Variants in BAIAP2L1 observed in about 807,000 individuals in gnomAD.
BAIAP2L1 encodes the protein BAR/IMD domain containing adaptor protein 2 like 1, also known as BAR/IMD domain-containing adapter protein 2-like 1.
In BAIAP2L1, 35 loss-of-function variants were observed where a neutral mutation model predicts 66.3. That is an observed-to-expected ratio of 0.53 (90% CI 0.40 to 0.70). The LOEUF (loss-of-function observed/expected upper bound fraction) is 0.70, where lower values mean the gene tolerates loss of function less well. Ranked by LOEUF, BAIAP2L1 falls within the 30% of genes least tolerant of loss-of-function variation. The pLI, the probability that BAIAP2L1 is intolerant of heterozygous loss-of-function variation, is 0.00. For missense variants in BAIAP2L1, 622 were observed against 656.9 expected (o/e 0.95, Z 0.58); for synonymous variants, 269 against 248.7 (o/e 1.08, Z -0.77).
At chr7:98,343,024 CAT>C (rs1339669462) in intron 3 of BAIAP2L1, among the ~76,000 whole-genome samples, 4 of 151,666 alleles carry the variant, frequency 2.6e-5, no homozygotes, top group Non-Finnish European at 4.4e-5. Context: ...GATAAAGTCA[CAT>C]GAGTGACTTT....
intron 6 of BAIAP2L1, 42 bp from the exon 7 acceptor site, chr7:98,315,654 T>C: frequency 9.7e-7 from 1 of 1,026,556 alleles, no homozygotes; most frequent in South Asian, 3.8e-5. Context: ...TATATAAGCA[T>C]GACATGAGCA....
chr7:98,294,067 C>T lies in BAIAP2L1; in HGVS notation c.1460+7G>A, dbSNP rs369999863. 15 of 1,613,782 alleles carry T rather than the reference C, an allele frequency of 9.3e-6. 1 individual carries two copies. The highest frequency in any genetic ancestry group is 8.8e-5 in the South Asian group (8 of 91,070). ...ACACTGAGGCTCACGTAGGAAGCCACGCCTACCTGAGAAAAGGCGGCTTTG... is the reference window on the plus strand; with the variant it reads ...ACACTGAGGCTCACGTAGGAAGCCATGCCTACCTGAGAAAAGGCGGCTTTG... On this transcript the variant is annotated splice_region_variant and intron_variant, in intron 13 of 13. Transcript: ENST00000005260.
intron 1 of BAIAP2L1, among the ~76,000 whole-genome samples, chr7:98,383,189 C>A (rs571658622): frequency 2.0e-5 from 3 of 149,088 alleles, no homozygotes; most frequent in South Asian, 2.1e-4. Context: ...AACAAACAAA[C>A]AAAAAAAAGA....
chr7:98,356,913 G>C (rs536829216), intron 2 of BAIAP2L1, among the ~76,000 whole-genome samples: 23 of 135,834 alleles, frequency 1.7e-4, no homozygotes, highest in South Asian at 1.4e-3. Context: ...GGAGAATTGC[G>C]TGAGCCCAGA....
intron 2 of BAIAP2L1, among the ~76,000 whole-genome samples, chr7:98,359,036 T>C (rs1192843212): frequency 6.6e-6 from 1 of 152,122 alleles, no homozygotes; most frequent in East Asian, 1.9e-4. Flanking sequence ...GAGTCTGGCC[T>C]CCTTGAAGGG....
At chr7:98,389,739 T>C (rs559193094) in intron 1 of BAIAP2L1, among the ~76,000 whole-genome samples, 11 of 152,226 alleles carry the variant, frequency 7.2e-5, no homozygotes, top group Non-Finnish European at 1.5e-5. Flanking sequence ...TTTAACTGCT[T>C]GCAACATAAG....
intron 5 of BAIAP2L1, 139 bp downstream of exon 5, chr7:98,319,919 G>A (rs1041123628): frequency 5.2e-5 from 38 of 733,118 alleles, no homozygotes; most frequent in East Asian, 3.0e-4. Context: ...AGAGCTTGTC[G>A]GTTTCATGCA....
chr7:98,312,414 A>G, intron 7 of BAIAP2L1, 150 bp from the exon 8 acceptor site: 1 of 804,178 alleles, frequency 1.2e-6, no homozygotes, highest in Non-Finnish European at 1.9e-6. Context: ...CACTTTAAGC[A>G]CCTAGAGGAT....
At chr7:98,304,952 G>A (rs571728732) in intron 11 of BAIAP2L1, among the ~76,000 whole-genome samples, 7 of 147,930 alleles carry the variant, frequency 4.7e-5, no homozygotes, top group South Asian at 4.3e-4. Context: ...TGCAACATCC[G>A]CCTCCCTGGT....
At chr7:98,294,878 C>T (rs955949564) in intron 12 of BAIAP2L1, among the ~76,000 whole-genome samples, 1 of 152,208 alleles carries the variant, frequency 6.6e-6, no homozygotes, top group African/African-American at 2.4e-5. Context: ...CTTCCAGCAC[C>T]TGCCACCCAG....
chr7:98,351,006 G>A (rs558295631), intron 3 of BAIAP2L1, among the ~76,000 whole-genome samples: 2 of 152,104 alleles, frequency 1.3e-5, no homozygotes, highest in African/African-American at 2.4e-5. Context: ...ACAGGCATGC[G>A]CCACCATGCC....
intron 1 of BAIAP2L1, chr7:98,399,909 A>C (rs1280582136): frequency 6.6e-6 from 1 of 152,218 alleles, no homozygotes; most frequent in African/African-American, 2.4e-5. Context: ...AGCCAAGTTC[A>C]ACTGAAAGGT....
intron 2 of BAIAP2L1, among the ~76,000 whole-genome samples, chr7:98,359,589 C>T (rs971541117): frequency 2.6e-5 from 4 of 151,722 alleles, no homozygotes; most frequent in African/African-American, 7.3e-5. Flanking sequence ...GTCTTTTATG[C>T]GTGCAGTAGT....
intron 1 of BAIAP2L1, among the ~76,000 whole-genome samples, chr7:98,368,247 T>C (rs187600821): frequency 4.2e-4 from 63 of 151,548 alleles, no homozygotes; most frequent in Non-Finnish European, 7.5e-4. Flanking sequence ...GGTGAAACCC[T>C]GTCTCTACTA....
At chr7:98,369,772 C>T (rs1051741974) in intron 1 of BAIAP2L1, among the ~76,000 whole-genome samples, 3 of 150,372 alleles carry the variant, frequency 2.0e-5, no homozygotes, top group East Asian at 2.0e-4. Context: ...CCTGGGTTCA[C>T]GCAACTCTTG....
intron 1 of BAIAP2L1, among the ~76,000 whole-genome samples, chr7:98,393,082 CAT>C (rs200044762): frequency 0.029 from 3,201 of 108,938 alleles, 495 homozygotes; most frequent in African/African-American, 0.13. Context: ...TATACACACA[CAT>C]ATATACATAT....
intron 9 of BAIAP2L1, chr7:98,308,352 A>G (rs1562967859): frequency 4.4e-6 from 2 of 450,472 alleles, no homozygotes; most frequent in Non-Finnish European, 4.5e-6. Flanking sequence ...TGGTCTTGCC[A>G]TGCTGGCCGC....
chr7:98,393,290 C>T (rs1803115539), intron 1 of BAIAP2L1, among the ~76,000 whole-genome samples: 1 of 151,850 alleles, frequency 6.6e-6, no homozygotes. Context: ...GATCCATCCT[C>T]CTCGGCCTCC....
chr7:98,331,438 A>G (rs1199469061), intron 3 of BAIAP2L1, among the ~76,000 whole-genome samples: 1 of 151,818 alleles, frequency 6.6e-6, no homozygotes, highest in Non-Finnish European at 1.5e-5. Flanking sequence ...ATACATATTC[A>G]AACTGTAGAC....
Sources: allele counts gnomAD v4.1 joint callset (sites outside exome capture counted in the v4.1 genomes callset), GRCh38; gene constraint gnomAD v4.1.1; transcripts MANE v1.5; gene names NCBI Gene and HGNC (gene_info 2026-07-23, HGNC 2026-07-21).